MIDN: variants seen among roughly 807,000 people sequenced by gnomAD.
The protein encoded by MIDN is midnolin.
A neutral mutation model predicts 46.1 loss-of-function variants in MIDN; 26 were observed. That is an observed-to-expected ratio of 0.56 (90% CI 0.41 to 0.78). The LOEUF is 0.78. MIDN is among the 30% of genes least tolerant of loss of function. The pLI is 0.00. For missense variants in MIDN, 850 were observed against 771.8 expected (o/e 1.10, Z -1.20); for synonymous variants, 432 against 343.3 (o/e 1.26, Z -2.86).
chr19:1,257,943 A>T lies in MIDN; in HGVS notation c.*671A>T, dbSNP rs1390672078. 1 of 152,378 alleles carries T rather than the reference A, an allele frequency of 6.6e-6. No homozygotes were observed. Among genetic ancestry groups the T allele is most frequent in the East Asian group, 1.9e-4 (1 of 5,200 alleles). The allele number at this position is 152,378 out of a possible 1,614,324, so 9.4% of individuals were successfully genotyped here. A position where few individuals can be genotyped will look rare whatever the true frequency, so the allele number is the denominator to read the frequency against. ...CCTTCATTTCTTTAACAAGGAGAGC[A>T]AAGCTGTTTTAGCAGAGGCTGGGGC... is the stretch of plus-strand genomic sequence containing the variant. On this transcript the variant is annotated 3_prime_UTR_variant, in exon 9 of 9. Coordinates refer to ENST00000682408, the MANE Select transcript of MIDN (RefSeq NM_001388306.1).
rs550657175 is a variant in MIDN, at chr19:1,251,176, A to G, written c.234-386A>G. The G allele has an allele frequency of 9.1e-5, 16 of 176,632 alleles. No individual in the cohort carries two copies. The South Asian group carries it at 1.7e-3, about 19-fold the overall frequency. 10.9% of individuals were successfully genotyped at this position (176,632 alleles called of 1,614,324 possible). On this transcript the variant is annotated intron_variant, in intron 2 of 8. Transcript: ENST00000682408. ...CCCCAGGGCCTCTCCTCGGGCCGAA[A>G]CCCGTGGTTCCTACAAAGAGGAGCC...
intron 8 of MIDN, among the ~76,000 whole-genome samples, chr19:1,256,336 A>G (rs1443411200): frequency 2.0e-5 from 3 of 152,162 alleles, no homozygotes; most frequent in African/African-American, 7.2e-5. Flanking sequence ...ACAAAAAATT[A>G]GCCAGGCGTG....
rs953854066 is a variant in MIDN, at chr19:1,249,970, G to C, written c.-327G>C. On this transcript the variant is annotated 5_prime_UTR_variant, in exon 2 of 9. Coordinates refer to ENST00000682408, the MANE Select transcript of MIDN (RefSeq NM_001388306.1). Reference sequence around the variant, plus strand: ...CGACCCGGGCGGCAGACGGCACCCAGCGCCACCAGCCGAGCGGCGCCCCCT... The same window carrying C: ...CGACCCGGGCGGCAGACGGCACCCACCGCCACCAGCCGAGCGGCGCCCCCT... 6.6e-6 allele frequency: 1 copy of C among 151,930 alleles called. No homozygotes were observed. Among genetic ancestry groups the C allele is most frequent in the African/African-American group, 2.4e-5 (1 of 41,394 alleles). 9.4% of individuals were successfully genotyped at this position (151,930 alleles called of 1,614,324 possible).
chr19:1,249,764 C>G (rs1326807960), intron 1 of MIDN, 126 bp from the exon 2 acceptor site: 1 of 150,640 alleles, frequency 6.6e-6, no homozygotes, highest in Non-Finnish European at 1.5e-5. Flanking sequence ...CGACTGGGCG[C>G]TCGGCGCGCG....
intron 4 of MIDN, among the ~76,000 whole-genome samples, chr19:1,253,424 C>G (rs562906827): frequency 1.3e-4 from 19 of 143,902 alleles, no homozygotes; most frequent in African/African-American, 3.2e-4. Flanking sequence ...CTCCGCCACC[C>G]CCCCCCCCAT....
chr19:1,253,428 C>CA (rs1031084791), intron 4 of MIDN, among the ~76,000 whole-genome samples: 4 of 151,446 alleles, frequency 2.6e-5, no homozygotes, highest in Non-Finnish European at 5.9e-5. Context: ...GCCACCCCCC[C>CA]CCCCATCCCG....
chr19:1,253,639 G>A, intron 4 of MIDN: 1 of 160,306 alleles, frequency 6.2e-6, no homozygotes, highest in South Asian at 1.4e-4. Context: ...CTAGGCCTCC[G>A]CCCCGCCCAG....
In MIDN at chr19:1,250,396, G is replaced by A. The variant is rs1599973459; in HGVS notation, c.100G>A (p.Ala34Thr). Reference protein sequence around the residue: ...PAAEAAPMSLAIHSTTGTRYD... With the variant: ...PAAEAAPMSLTIHSTTGTRYD... ...GGCCGAGGCGGCGCCCATGAGCCTCGCCATCCACAGCACCACGGGCACCCG... is the reference window on the plus strand; with the variant it reads ...GGCCGAGGCGGCGCCCATGAGCCTCACCATCCACAGCACCACGGGCACCCG... Residue 34 changes from alanine (A) to threonine (T), a missense_variant, in exon 2 of 9, where the codon GCC (alanine) becomes ACC (threonine). Transcript: ENST00000682408. 3 of 1,287,732 alleles carry A rather than the reference G, an allele frequency of 2.3e-6. No homozygotes were observed. The highest frequency in any genetic ancestry group is 1.9e-5 in the South Asian group (1 of 52,150). The allele number at this position is 1,287,732 out of a possible 1,614,324, so 79.8% of individuals were successfully genotyped here.
At chr19:1,256,897 T>C in intron 8 of MIDN, 98 bp from the exon 9 acceptor site, 7 of 1,544,178 alleles carry the variant, frequency 4.5e-6, no homozygotes, top group Non-Finnish European at 6.1e-6. Context: ...AGGGCAGGAC[T>C]GTGTCTGACC....
rs989747661 is a variant in MIDN, at chr19:1,258,754, G to A, written c.*1482G>A. 7 of 150,682 alleles carry A rather than the reference G, an allele frequency of 4.6e-5. No homozygotes were observed. Among genetic ancestry groups the A allele is most frequent in the African/African-American group, 1.7e-4 (7 of 40,780 alleles). 9.3% of individuals were successfully genotyped at this position (150,682 alleles called of 1,614,324 possible). On this transcript the variant is annotated 3_prime_UTR_variant, in exon 9 of 9. Coordinates refer to ENST00000682408, the MANE Select transcript of MIDN (RefSeq NM_001388306.1). ...GCAGGGAGGGGTCCCAGAGGGTAGA[G>A]CTCAAGGATTTTGGGTTTTGTTTTG...
In MIDN at chr19:1,257,875, C is replaced by T. The variant is rs1353703090; in HGVS notation, c.*603C>T. ...AGAAGCCAACGAGGGGACTGTTTCTCTTCCACTCCTATCCTCTTTTCTTGA... is the reference window on the plus strand; with the variant it reads ...AGAAGCCAACGAGGGGACTGTTTCTTTTCCACTCCTATCCTCTTTTCTTGA... On this transcript the variant is annotated 3_prime_UTR_variant, in exon 9 of 9. Coordinates refer to ENST00000682408, the MANE Select transcript of MIDN (RefSeq NM_001388306.1). 1 of 151,764 alleles carries T rather than the reference C, an allele frequency of 6.6e-6. No homozygotes were observed. The highest frequency in any genetic ancestry group is 1.5e-5 in the Non-Finnish European group (1 of 68,076). The allele number at this position is 151,764 out of a possible 1,614,324, so 9.4% of individuals were successfully genotyped here. A position where few individuals can be genotyped will look rare whatever the true frequency, so the allele number is the denominator to read the frequency against.
At chr19:1,256,793 C>T (rs545996696) in intron 8 of MIDN, among the ~76,000 whole-genome samples, 3 of 152,300 alleles carry the variant, frequency 2.0e-5, no homozygotes, top group Non-Finnish European at 2.9e-5. Context: ...TCTCCTGCCT[C>T]GGCCTCCCAA....
Position 1,250,126 on chromosome 19 carries a change from G to T in MIDN, c.-171G>T, listed in dbSNP as rs2145483694. The T allele has an allele frequency of 6.1e-6, 1 of 164,640 alleles. No individual in the cohort carries two copies. The highest frequency in any genetic ancestry group is 1.9e-4 in the East Asian group (1 of 5,178). The allele number at this position is 164,640 out of a possible 1,614,324, so 10.2% of individuals were successfully genotyped here. ...ACCTCGGAGCGCCACTCGGATTTTG[G>T]ATTTCGGTCTCGCATTCCGCGGCCG... is the stretch of plus-strand genomic sequence containing the variant. On this transcript the variant is annotated 5_prime_UTR_variant, in exon 2 of 9. Transcript: ENST00000682408.
rs1417715687 is a variant in MIDN at position 1,251,817 on chromosome 19, CCT to C, written c.322-18_322-17del. ...AGGATTCCGACCCCACACTCAGGCCCCTCTCCTCCCTCTCTTTGTAGTCTCAG... is the reference window on the plus strand; with the variant it reads ...AGGATTCCGACCCCACACTCAGGCCCCTCCTCCCTCTCTTTGTAGTCTCAG... On this transcript the variant is annotated intron_variant, in intron 3 of 8. Transcript: ENST00000682408. 1.9e-6 allele frequency: 3 copies of C among 1,609,878 alleles called. No homozygotes were observed. The African/African-American group carries it at 4.0e-5, about 22-fold the overall frequency.
rs763117290 is a variant in MIDN at position 1,250,486 on chromosome 19, C to A, written c.190C>A (p.Leu64Ile). 1.8e-5 allele frequency: 25 copies of A among 1,365,758 alleles called. No individual in the cohort carries two copies. Among genetic ancestry groups the A allele is most frequent in the Non-Finnish European group, 2.3e-5 (24 of 1,035,742 alleles). The allele number at this position is 1,365,758 out of a possible 1,614,324, so 84.6% of individuals were successfully genotyped here. The change falls in exon 2 of 9, where the codon CTC becomes ATC. Residue 64 changes from leucine (L) to isoleucine (I), a missense_variant. Coordinates refer to ENST00000682408, the MANE Select transcript of MIDN (RefSeq NM_001388306.1). ...EGLRKRLSQR[L>I]KVPKERLALL... ...GCTGCGCAAGCGGTTGTCCCAGCGC[C>A]TCAAAGTGCCCAAGGAGCGCCTGGC...
At chr19:1,256,936 G>A (rs949365329) in intron 8 of MIDN, 59 bp from the exon 9 acceptor site, 6 of 1,595,270 alleles carry the variant, frequency 3.8e-6, no homozygotes, top group Non-Finnish European at 4.2e-6. Context: ...GTCTGGGGTG[G>A]TCCTCTGTGT....
At chr19:1,253,866 C>A in intron 4 of MIDN, 88 bp from the exon 5 acceptor site, 1 of 1,142,238 alleles carries the variant, frequency 8.8e-7, no homozygotes. Context: ...TGGGCCCCGC[C>A]CCCTCTGGCC....
At position 1,254,330 on chromosome 19, in the gene MIDN, G is replaced by A. The variant is rs780471332; in HGVS notation, c.677G>A (p.Ser226Asn). 4 of 1,570,366 alleles carry A rather than the reference G, an allele frequency of 2.5e-6. No individual in the cohort carries two copies. In the South Asian group the frequency reaches 3.4e-5, roughly 13 times the overall value. ...AAAAAARGDP[S>N]IASPVSSPCR... ...GCCGCTGCTGCGCGGGGGGACCCCA[G>A]CATAGCCTCCCCCGTGTCCTCGCCC... The change falls in exon 6 of 9, where the codon AGC (serine) becomes AAC (asparagine). Residue 226 changes from serine (S) to asparagine (N), a missense_variant. By Grantham distance (46) the Ser-to-Asn change is conservative (BLOSUM62 1). Transcript: ENST00000682408.
chr19:1,250,354 T>G lies in MIDN; in HGVS notation c.58T>G (p.Cys20Gly), dbSNP rs202070687. The change falls in exon 2 of 9, where the codon TGC becomes GGC. Residue 20 changes from cysteine (C) to glycine (G), a missense_variant. By Grantham distance (159) the Cys-to-Gly change is radical (BLOSUM62 -3). Coordinates refer to ENST00000682408, the MANE Select transcript of MIDN (RefSeq NM_001388306.1). ...SCRRGAPGGA[C>G]ELGPAAEAAP... ...CCGGCGCGGGGCCCCCGGCGGCGCCTGCGAGCTGGGCCCGGCGGCCGAGGC... is the reference window on the plus strand; with the variant it reads ...CCGGCGCGGGGCCCCCGGCGGCGCCGGCGAGCTGGGCCCGGCGGCCGAGGC... The G allele has an allele frequency of 0.026, 27,998 of 1,080,388 alleles. 409 individuals carry two copies. The highest frequency in any genetic ancestry group is 0.045 in the South Asian group (1,222 of 27,274). 66.9% of individuals were successfully genotyped at this position (1,080,388 alleles called of 1,614,324 possible).
Sources: gnomAD v4.1 joint callset for allele counts (sites outside exome capture counted in the v4.1 genomes callset) on GRCh38, gnomAD v4.1.1 for gene constraint, MANE v1.5 for transcripts, NCBI Gene and HGNC (gene_info 2026-07-23, HGNC 2026-07-21) for gene names.